Variants in BEAN1 observed in about 807,000 individuals in gnomAD.
BEAN1 encodes protein BEAN1.
In BEAN1, 17 loss-of-function variants were observed where a neutral mutation model predicts 17.7. The ratio of observed to expected loss-of-function variants is 0.96; its 90% CI spans 0.66 to 1.44. The LOEUF (loss-of-function observed/expected upper bound fraction) is 1.44. Ranked by LOEUF, BEAN1 falls within the 40% of genes most tolerant of loss-of-function variation. BEAN1 has a pLI of 0.00. For synonymous variants in BEAN1, 142 were observed against 151.8 expected, an observed-to-expected ratio of 0.94 and a Z score of 0.47; for missense variants, 359 against 374.1, an observed-to-expected ratio of 0.96 and a Z score of 0.33.
chr16:66,490,464 A>AAATAAAATAAAATAAAAT (rs1289526958), intron 4 of BEAN1, among the ~76,000 whole-genome samples: 7 of 123,216 alleles, frequency 5.7e-5, no homozygotes, highest in South Asian at 4.7e-4. Flanking sequence ...TAATAAAATA[A>AAATAAAATAAAATAAAAT]AAAGAAACCT....
chr16:66,443,384 A>C (rs781578917), intron 2 of BEAN1, among the ~76,000 whole-genome samples: 1 of 152,230 alleles, frequency 6.6e-6, no homozygotes, highest in African/African-American at 2.4e-5. Flanking sequence ...AAGGAGATGA[A>C]GAAATTAGTC....
intron 1 of BEAN1, among the ~76,000 whole-genome samples, chr16:66,436,443 ATT>A (rs71145925): frequency 1.6e-4 from 20 of 121,344 alleles, no homozygotes; most frequent in Non-Finnish European, 1.4e-4. Context: ...AATTTTTTGT[ATT>A]TTTTTTTTTT....
chr16:66,467,491 G>A (rs1306200259), intron 2 of BEAN1, among the ~76,000 whole-genome samples: 4 of 152,072 alleles, frequency 2.6e-5, no homozygotes, highest in Non-Finnish European at 5.9e-5. Flanking sequence ...TCATTATCAC[G>A]AGAACAGCAT....
At chr16:66,474,629 G>A (rs866966623) in intron 3 of BEAN1, among the ~76,000 whole-genome samples, 32 of 44,052 alleles carry the variant, frequency 7.3e-4, no homozygotes, top group East Asian at 1.8e-3. Context: ...AGGGAGGGAG[G>A]GAGGGAGGGA....
downstream of BEAN1, among the ~76,000 whole-genome samples, chr16:66,494,223 G>T (rs1341639459): frequency 6.6e-6 from 1 of 152,208 alleles, no homozygotes; most frequent in Non-Finnish European, 1.5e-5. Context: ...AGCACAGGAG[G>T]AGAAGCAGGG....
chr16:66,477,676 G>A lies in BEAN1; in HGVS notation c.406G>A (p.Val136Met), dbSNP rs578091929. Residue 136 changes from valine (V) to methionine (M), a missense_variant, in exon 4 of 5, where the codon GTG (valine) becomes ATG (methionine). By Grantham distance (21) the Val-to-Met change is conservative. Coordinates refer to ENST00000536005, the MANE Select transcript of BEAN1 (RefSeq NM_001178020.3). Reference protein sequence around the residue: ...ISSDGDVDATVLRELYPDSPP... With the variant: ...ISSDGDVDATMLRELYPDSPP... Reference sequence around the variant, plus strand: ...CTCTGACGGGGACGTGGATGCCACGGTGCTCAGGGAGCTGTACCCAGATTC... The same window carrying A: ...CTCTGACGGGGACGTGGATGCCACGATGCTCAGGGAGCTGTACCCAGATTC... 7 of 1,550,410 alleles carry A rather than the reference G, an allele frequency of 4.5e-6. No homozygotes were observed. In the East Asian group the frequency reaches 1.5e-4, roughly 33 times the overall value.
At chr16:66,446,479 C>G (rs935347850) in intron 2 of BEAN1, among the ~76,000 whole-genome samples, 3 of 152,064 alleles carry the variant, frequency 2.0e-5, no homozygotes, top group Non-Finnish European at 4.4e-5. Context: ...TTGTCTGAGA[C>G]GCTTTGCAGG....
At chr16:66,457,335 G>A (rs1375370538) in intron 2 of BEAN1, among the ~76,000 whole-genome samples, 1 of 152,108 alleles carries the variant, frequency 6.6e-6, no homozygotes, top group African/African-American at 2.4e-5. Flanking sequence ...TTGCTGGCTG[G>A]GTGAATTGAT....
chr16:66,485,012 A>G (rs1206341803), downstream of BEAN1: 2 of 454,018 alleles, frequency 4.4e-6, no homozygotes, highest in Non-Finnish European at 8.8e-6. Context: ...GTCCCCGTGT[A>G]TGGGTGTGGT....
chr16:66,486,088 T>C (rs1359924838), downstream of BEAN1: 1 of 152,036 alleles, frequency 6.6e-6, no homozygotes, highest in Non-Finnish European at 1.5e-5. Flanking sequence ...AAGTCTACTT[T>C]GGTTGGTTCA....
intron 1 of BEAN1, among the ~76,000 whole-genome samples, chr16:66,436,319 G>A (rs1962016705): frequency 6.9e-6 from 1 of 145,708 alleles, no homozygotes; most frequent in Non-Finnish European, 1.5e-5. Context: ...CCAGGCTGGA[G>A]TGCAGTGGCA....
Position 66,469,484 on chromosome 16 carries a change from A to T in BEAN1, c.26-118A>T, listed in dbSNP as rs893584897. The T allele has an allele frequency of 2.4e-6, 3 of 1,254,614 alleles. No homozygotes were observed. The African/African-American group carries it at 4.5e-5, about 19-fold the overall frequency. The allele number at this position is 1,254,614 out of a possible 1,614,324, so 77.7% of individuals were successfully genotyped here. A position where few individuals can be genotyped will look rare whatever the true frequency, so the allele number is the denominator to read the frequency against. ...AGCCAGGATAGAGTCCGTGGGCCTG[A>T]GCCCAGACCCTCCTCCATTTATTTA... is the stretch of plus-strand genomic sequence containing the variant. On this transcript the variant is annotated intron_variant, in intron 2 of 4. Transcript: ENST00000536005.
intron 2 of BEAN1, among the ~76,000 whole-genome samples, chr16:66,449,335 C>T (rs1962579824): frequency 6.6e-6 from 1 of 152,052 alleles, no homozygotes; most frequent in South Asian, 2.1e-4. Context: ...GGGCCGGGTG[C>T]AGTGGCTCAC....
chr16:66,480,712 C>G lies in BEAN1; in HGVS notation c.567C>G (p.Ser189Arg). The change falls in exon 5 of 5, where the codon AGC (serine) becomes AGG (arginine). Residue 189 changes from serine (S) to arginine (R), a missense_variant. Ser to Arg is a moderately radical substitution (Grantham distance 110). Coordinates refer to ENST00000536005, the MANE Select transcript of BEAN1 (RefSeq NM_001178020.3). ...DGTSDSGSGH[S>R]PGRHQQEQRT... ...CCTCCGACTCAGGCAGCGGCCACAGCCCTGGCCGACACCAGCAGGAGCAGA... is the reference window on the plus strand; with the variant it reads ...CCTCCGACTCAGGCAGCGGCCACAGGCCTGGCCGACACCAGCAGGAGCAGA... 1 of 1,551,690 alleles carries G rather than the reference C, an allele frequency of 6.4e-7. No individual in the cohort carries two copies. The highest frequency in any genetic ancestry group is 8.7e-7 in the Non-Finnish European group (1 of 1,146,978).
At chr16:66,474,618 A>AGGGAGGGAGGGAGGG (rs1555520934) in intron 3 of BEAN1, among the ~76,000 whole-genome samples, 1 of 5,806 alleles carries the variant, frequency 1.7e-4, no homozygotes, top group Non-Finnish European at 3.3e-4. Context: ...GGGAGGGAGG[A>AGGGAGGGAGGGAGGG]AGGGAGGGAG....
chr16:66,436,269 T>C (rs1962012910), intron 1 of BEAN1, among the ~76,000 whole-genome samples: 1 of 143,090 alleles, frequency 7.0e-6, no homozygotes, highest in Middle Eastern at 3.7e-3. Flanking sequence ...TTCTTTTCTT[T>C]TTTTTTTTTT....
chr16:66,480,539 A>C, intron 4 of BEAN1, 47 bp from the exon 5 acceptor site: 2 of 1,414,858 alleles, frequency 1.4e-6, no homozygotes, highest in Non-Finnish European at 1.9e-6. Flanking sequence ...GGAGAGACCC[A>C]GCCCTAAGGC....
At chr16:66,452,568 T>A (rs1962711992) in intron 2 of BEAN1, among the ~76,000 whole-genome samples, 1 of 152,080 alleles carries the variant, frequency 6.6e-6, no homozygotes, top group Non-Finnish European at 1.5e-5. Flanking sequence ...TTTACAGAGG[T>A]CAGGTGGCAC....
downstream of BEAN1, chr16:66,484,472 T>C (rs926827542): frequency 1.5e-5 from 6 of 397,040 alleles, no homozygotes; most frequent in South Asian, 9.2e-5. This position sits in a 1 kb window ranked among gnomAD's most constrained non-coding sequence, Gnocchi z 4.2. Context: ...TCAAGGTCCT[T>C]TGCACATTCC....
Sources: allele counts gnomAD v4.1 joint callset (sites outside exome capture counted in the v4.1 genomes callset), GRCh38; gene constraint gnomAD v4.1.1; non-coding constraint Gnocchi (gnomAD v3.1); transcripts MANE v1.5; gene names NCBI Gene and HGNC (gene_info 2026-07-23, HGNC 2026-07-21).